MRPL33: variants seen among roughly 807,000 people sequenced by gnomAD.
MRPL33 encodes the protein mitochondrial ribosomal protein L33, also known as large ribosomal subunit protein bL33m.
In MRPL33, 5 loss-of-function variants were observed where a neutral mutation model predicts 10.1. The observed-to-expected ratio is 0.49, with a 90% CI of 0.26 to 1.04. The LOEUF (loss-of-function observed/expected upper bound fraction) is 1.04, where lower values mean the gene tolerates loss of function less well. MRPL33 is among the 50% of genes least tolerant of loss of function. MRPL33 has a pLI of 0.14. For synonymous variants in MRPL33, 24 were observed against 27.7 expected, an observed-to-expected ratio of 0.87 and a Z score of 0.42; for missense variants, 79 against 78.1, an observed-to-expected ratio of 1.01 and a Z score of -0.04.
In MRPL33 at chr2:27,771,721, T is replaced by C. The variant is rs1677044277; in HGVS notation, c.-57T>C. On this transcript the variant is annotated 5_prime_UTR_variant, in exon 1 of 4. Coordinates refer to ENST00000296102, the MANE Select transcript of MRPL33 (RefSeq NM_004891.4). ...GAACCGGGCCGTGCCCCGGAAGCAG[T>C]TGTTGTTGGTTGGGGGCCTTTTGGC... The C allele has an allele frequency of 6.3e-7, 1 of 1,590,368 alleles. No homozygotes were observed. The highest frequency in any genetic ancestry group is 1.7e-4 in the Middle Eastern group (1 of 6,018).
chr2:27,778,403 CTTGT>C lies in MRPL33; in HGVS notation c.149-1027_149-1024del, dbSNP rs1453674201. On this transcript the variant is annotated intron_variant, in intron 3 of 3. Transcript: ENST00000296102. ...GTGATTATTCCATTTCTGGTGTTTT[CTTGT>C]TTTTGTTTTAGCAAAGAGGAAATAG... 6.6e-5 allele frequency among the ~76,000 whole-genome samples: 10 copies of C among 151,604 alleles called. No individual in the cohort carries two copies. In the East Asian group the frequency reaches 1.7e-3, roughly 26 times the overall value.
chr2:27,772,496 A>G (rs1677067728), intron 1 of MRPL33, 178 bp from the exon 2 acceptor site: 3 of 546,534 alleles, frequency 5.5e-6, no homozygotes, highest in Admixed American at 3.6e-5. Flanking sequence ...CCTTCCTTCT[A>G]TAAAATCCTA....
chr2:27,772,019 T>G, intron 1 of MRPL33: 1 of 531,480 alleles, frequency 1.9e-6, no homozygotes, highest in Non-Finnish European at 3.3e-6. Context: ...GGTGTCTGGA[T>G]TCAATTGCCG....
At chr2:27,772,612 T>G (rs1190383138) in intron 1 of MRPL33, 62 bp from the exon 2 acceptor site, 1 of 1,330,924 alleles carries the variant, frequency 7.5e-7, no homozygotes, top group African/African-American at 1.5e-5. Flanking sequence ...GAACTTTGCA[T>G]AAGAAAGAGA....
Position 27,779,706 on chromosome 2 carries a change from A to C in MRPL33, c.*224A>C. ...TTTATTTATCTTTCTGGGTATTTTT[A>C]TAGCCCTTAATAAAAAATATTAAAA... On this transcript the variant is annotated 3_prime_UTR_variant, in exon 4 of 4. Transcript: ENST00000296102. The C allele has an allele frequency of 1.3e-6, 1 of 748,782 alleles. No individual in the cohort carries two copies. The highest frequency in any genetic ancestry group is 2.0e-6 in the Non-Finnish European group (1 of 510,480). 46.4% of individuals were successfully genotyped at this position (748,782 alleles called of 1,614,324 possible).
intron 1 of MRPL33, chr2:27,772,399 A>G: frequency 2.7e-6 from 1 of 372,928 alleles, no homozygotes; most frequent in Non-Finnish European, 4.8e-6. Context: ...TTACTTTAGA[A>G]AGATTTAAAA....
At chr2:27,775,850 G>T (rs543690704) in intron 3 of MRPL33, among the ~76,000 whole-genome samples, 1 of 152,266 alleles carries the variant, frequency 6.6e-6, no homozygotes, top group South Asian at 2.1e-4. Context: ...GTATCTGATG[G>T]TAAGGAGTCT....
rs1373515809 is a variant in MRPL33 at position 27,772,691 on chromosome 2, A to G, written c.40A>G (p.Lys14Glu). 6.2e-7 allele frequency: 1 copy of G among 1,601,162 alleles called. No homozygotes were observed. Among genetic ancestry groups the G allele is most frequent in the Non-Finnish European group, 8.5e-7 (1 of 1,171,316 alleles). ...CAAAAAAGTTGCCAAGAGCAAGTCA[A>G]AGTAAGTAAAGATTTTTCCTTTTTT... ...SAVFFAKSKS[K>E]NILVRMVSEA... The change falls in exon 2 of 4, where the codon AAA (lysine) becomes GAA (glutamate). Residue 14 changes from lysine to glutamate, a missense_variant and splice_region_variant. Coordinates refer to ENST00000296102, the MANE Select transcript of MRPL33 (RefSeq NM_004891.4).
intron 3 of MRPL33, among the ~76,000 whole-genome samples, chr2:27,775,046 T>C (rs1035445898): frequency 1.3e-5 from 2 of 152,236 alleles, no homozygotes; most frequent in African/African-American, 2.4e-5. Flanking sequence ...TAAAGGAATA[T>C]GGTTTCTATA....
chr2:27,773,758 G>A (rs931980839), intron 2 of MRPL33, among the ~76,000 whole-genome samples: 3 of 152,318 alleles, frequency 2.0e-5, no homozygotes, highest in Non-Finnish European at 4.4e-5. Flanking sequence ...TGAAAGCAAT[G>A]CAGTGGTGTG....
chr2:27,772,787 T>G, intron 2 of MRPL33, 95 bp downstream of exon 2: 1 of 982,102 alleles, frequency 1.0e-6, no homozygotes, highest in Non-Finnish European at 1.5e-6. Context: ...AAATTAAGCA[T>G]TGGGCCTTGA....
chr2:27,771,901 G>C, intron 1 of MRPL33, 102 bp downstream of exon 1: 1 of 1,242,790 alleles, frequency 8.0e-7, no homozygotes, highest in South Asian at 1.3e-5. Flanking sequence ...CGAACAGGAC[G>C]GGAAGCTGCA....
At chr2:27,774,301 AG>A in intron 2 of MRPL33, 122 bp from the exon 3 acceptor site, 1 of 760,728 alleles carries the variant, frequency 1.3e-6, no homozygotes, top group Non-Finnish European at 2.3e-6. Context: ...TGAACCTTTT[AG>A]GGCCAAGTGA....
chr2:27,774,386 C>T (rs368378551), intron 2 of MRPL33, 38 bp from the exon 3 acceptor site: 52 of 1,546,268 alleles, frequency 3.4e-5, no homozygotes, highest in African/African-American at 2.4e-4. Flanking sequence ...TAGTTTATTT[C>T]GTCAGCTCGT....
chr2:27,777,452 C>T (rs1340000604), intron 3 of MRPL33, among the ~76,000 whole-genome samples: 1 of 151,572 alleles, frequency 6.6e-6, no homozygotes, highest in Non-Finnish European at 1.5e-5. Flanking sequence ...TATCACCAAT[C>T]CCTCTACTAA....
intron 3 of MRPL33, among the ~76,000 whole-genome samples, chr2:27,776,172 A>G (rs746197975): frequency 3.9e-5 from 6 of 152,286 alleles, no homozygotes; most frequent in Non-Finnish European, 7.3e-5. Flanking sequence ...AGATTCACGT[A>G]TAAATTTCAA....
intron 3 of MRPL33, 43 bp downstream of exon 3, chr2:27,774,573 C>A (rs531992514): frequency 6.7e-7 from 1 of 1,492,014 alleles, no homozygotes; most frequent in African/African-American, 1.4e-5. Context: ...CTGTTGCCCC[C>A]TTTGTAGGCT....
At chr2:27,772,558 T>C (rs1677074317) in intron 1 of MRPL33, 116 bp from the exon 2 acceptor site, 1 of 776,638 alleles carries the variant, frequency 1.3e-6, no homozygotes, top group African/African-American at 1.8e-5. Context: ...CCTCATGGCA[T>C]ATTTCATAAG....
intron 1 of MRPL33, 106 bp from the exon 2 acceptor site, chr2:27,772,568 G>A: frequency 1.2e-6 from 1 of 854,486 alleles, no homozygotes; most frequent in South Asian, 1.6e-5. Flanking sequence ...TATTTCATAA[G>A]TTAAATATTT....
Sources: allele counts gnomAD v4.1 joint callset (sites outside exome capture counted in the v4.1 genomes callset), GRCh38; gene constraint gnomAD v4.1.1; transcripts MANE v1.5; gene names NCBI Gene and HGNC (gene_info 2026-07-23, HGNC 2026-07-21).